PTPRD: variants seen among roughly 807,000 people sequenced by gnomAD.
The protein encoded by PTPRD is receptor-type tyrosine-protein phosphatase delta.
Under a neutral mutation model 214.5 loss-of-function variants are expected in PTPRD, and 34 were observed. That is an observed-to-expected ratio of 0.16 (90% CI 0.12 to 0.21). The LOEUF is 0.21. PTPRD is among the 10% of genes least tolerant of loss of function. PTPRD has a pLI of 1.00. For synonymous variants in PTPRD, 1,128 were observed against 845.7 expected (o/e 1.33, Z -5.79); for missense variants, 2,545 against 2,398.7 (o/e 1.06, Z -1.27).
At chr9:10,470,243 A>G (rs918009675) in intron 2 of PTPRD, among the ~76,000 whole-genome samples, 9 of 152,122 alleles carry the variant, frequency 5.9e-5, no homozygotes, top group African/African-American at 2.2e-4. Context: ...AATATGTACA[A>G]CTATTAGGTA....
chr9:8,488,685 T>C (rs192800708), intron 27 of PTPRD, among the ~76,000 whole-genome samples: 1 of 152,360 alleles, frequency 6.6e-6, no homozygotes, highest in African/African-American at 2.4e-5. Flanking sequence ...AATAGTACTT[T>C]AATGTAGGGA....
chr9:8,529,325 T>C (rs930435173), intron 14 of PTPRD, among the ~76,000 whole-genome samples: 36 of 152,252 alleles, frequency 2.4e-4, no homozygotes, highest in African/African-American at 8.4e-4. Flanking sequence ...GTTTTTCTTA[T>C]AACTCTGTTT....
intron 3 of PTPRD, among the ~76,000 whole-genome samples, chr9:10,125,549 G>C (rs1336543768): frequency 2.7e-5 from 4 of 150,790 alleles, no homozygotes; most frequent in African/African-American, 9.7e-5. Flanking sequence ...CTGCCTCCCA[G>C]GTTCAAGCGA....
rs138988921 is a variant in PTPRD at position 10,343,279 on chromosome 9, C to G, written c.-599-2262G>C. Among the ~76,000 whole-genome samples the G allele has an allele frequency of 8.5e-3, 1,300 of 152,180 alleles. 44 individuals carry two copies. The highest frequency in any genetic ancestry group is 0.066 in the East Asian group (338 of 5,146). On this transcript the variant is annotated intron_variant, in intron 2 of 45. Coordinates refer to ENST00000381196, the MANE Select transcript of PTPRD (RefSeq NM_002839.4). ...TGCTGAGAATGATGGTTTCCAGCTT[C>G]ATCCATGTCCCTGCAAAGGACATGA...
Position 9,610,575 on chromosome 9 carries a change from G to A in PTPRD, c.-286-35794C>T, listed in dbSNP as rs576480501. Among the ~76,000 whole-genome samples, 3 of 152,238 alleles carry A rather than the reference G, an allele frequency of 2.0e-5. No individual in the cohort carries two copies. In the East Asian group the frequency reaches 5.8e-4, roughly 29 times the overall value. ...GTATGCTACCTTGGAATAGATGGGG[G>A]AAAGTGAAATATTATTTTACAAATA... On this transcript the variant is annotated intron_variant, in intron 7 of 45. Transcript: ENST00000381196.
chr9:9,343,261 G>A (rs1230481749), intron 9 of PTPRD, among the ~76,000 whole-genome samples: 1 of 152,068 alleles, frequency 6.6e-6, no homozygotes, highest in Non-Finnish European at 1.5e-5. Flanking sequence ...TGGGATTGCT[G>A]GGTCAAATGG....
chr9:8,812,362 G>C (rs2096826618), intron 11 of PTPRD, among the ~76,000 whole-genome samples: 1 of 152,100 alleles, frequency 6.6e-6, no homozygotes. Flanking sequence ...GTCATTCTTG[G>C]ATAATAACAT....
At chr9:9,259,469 A>G (rs62534657) in intron 9 of PTPRD, among the ~76,000 whole-genome samples, 19,476 of 151,922 alleles carry the variant, frequency 0.13, 1,661 homozygotes, top group Middle Eastern at 0.21. Flanking sequence ...GTGTAAGTGT[A>G]AAGCCTTACA....
intron 2 of PTPRD, among the ~76,000 whole-genome samples, chr9:10,547,411 G>T (rs1000150783): frequency 2.6e-5 from 4 of 151,622 alleles, no homozygotes; most frequent in Admixed American, 2.0e-4. Context: ...GATACACAAA[G>T]ATGTTACCAT....
chr9:8,726,591 ATATATATATATATATATATATATAT>A (rs1565593758), intron 12 of PTPRD, among the ~76,000 whole-genome samples: 275 of 11,636 alleles, frequency 0.024, 101 homozygotes, highest in South Asian at 0.06. Context: ...AAAAAAAAAT[ATATATATATATATATATATATATAT>A]ATATATATAT....
rs569961589 is a variant in PTPRD, at chr9:9,570,005, G to T, written c.-237+4727C>A. Among the ~76,000 whole-genome samples, 4 of 150,422 alleles carry T rather than the reference G, an allele frequency of 2.7e-5. No individual in the cohort carries two copies. The South Asian group carries it at 8.3e-4, about 31-fold the overall frequency. The stretch of plus-strand genomic sequence containing the variant: ...CAGTTGAAAGTGCTCATCAGAACTA[G>T]AACTCCATTTTTCCCATATATTTTT... On this transcript the variant is annotated intron_variant, in intron 8 of 45. Transcript: ENST00000381196.
intron 9 of PTPRD, among the ~76,000 whole-genome samples, chr9:9,283,075 A>G (rs1364820473): frequency 6.6e-6 from 1 of 151,420 alleles, no homozygotes; most frequent in Non-Finnish European, 1.5e-5. Flanking sequence ...GTGATAACCA[A>G]AAAAACTCAT....
At chr9:9,125,616 A>G (rs890481671) in intron 10 of PTPRD, among the ~76,000 whole-genome samples, 1 of 152,202 alleles carries the variant, frequency 6.6e-6, no homozygotes, top group African/African-American at 2.4e-5. Flanking sequence ...CTCAAGAAAT[A>G]CTTCTTGAAT....
At chr9:9,761,925 G>C (rs2098661021) in intron 6 of PTPRD, among the ~76,000 whole-genome samples, 1 of 152,022 alleles carries the variant, frequency 6.6e-6, no homozygotes, top group Non-Finnish European at 1.5e-5. Context: ...TCATTGCTTT[G>C]GGATATTGGT....
chr9:8,542,521 T>G (rs2078735586), intron 14 of PTPRD, among the ~76,000 whole-genome samples: 1 of 152,208 alleles, frequency 6.6e-6, no homozygotes, highest in East Asian at 1.9e-4. Context: ...TTCTGAAATG[T>G]TATGATTGTT....
Position 8,934,423 on chromosome 9 carries a change from A to ATATATATATAAATATATATATATATT in PTPRD, c.-104+84273_-104+84274insAATATATATATATATTTATATATATA, listed in dbSNP as rs1567096846. 2.8e-3 allele frequency among the ~76,000 whole-genome samples: 171 copies of ATATATATATAAATATATATATATATT among 60,028 alleles called. 2 individuals are homozygous for ATATATATATAAATATATATATATATT. Among genetic ancestry groups the ATATATATATAAATATATATATATATT allele is most frequent in the African/African-American group, 6.7e-3 (97 of 14,530 alleles). 39.4% of individuals were successfully genotyped at this position (60,028 alleles called of 152,430 possible). ...TGTGTGTGTGTGTGTGTGTGTGTGT[A>ATATATATATAAATATATATATATATT]TATATATATATAAATATATATATAA... On this transcript the variant is annotated intron_variant, in intron 11 of 45. Coordinates refer to ENST00000381196, the MANE Select transcript of PTPRD (RefSeq NM_002839.4).
At chr9:10,378,532 T>A (rs2097769281) in intron 2 of PTPRD, among the ~76,000 whole-genome samples, 1 of 152,032 alleles carries the variant, frequency 6.6e-6, no homozygotes, top group African/African-American at 2.4e-5. Context: ...TTCTTCTGCA[T>A]GTGAATACCC....
At chr9:8,848,726 A>G (rs1461450787) in intron 11 of PTPRD, among the ~76,000 whole-genome samples, 1 of 152,078 alleles carries the variant, frequency 6.6e-6, no homozygotes, top group Admixed American at 6.5e-5. Flanking sequence ...GGAGGTTAAG[A>G]GTGAGTGAAA....
chr9:9,330,629 C>T (rs889958269), intron 9 of PTPRD, among the ~76,000 whole-genome samples: 2 of 151,856 alleles, frequency 1.3e-5, no homozygotes, highest in Non-Finnish European at 2.9e-5. Flanking sequence ...ATTAATAACA[C>T]ATATTGATTC....
Sources: gnomAD v4.1 joint callset for allele counts (sites outside exome capture counted in the v4.1 genomes callset) on GRCh38, gnomAD v4.1.1 for gene constraint, MANE v1.5 for transcripts, NCBI Gene and HGNC (gene_info 2026-07-23, HGNC 2026-07-21) for gene names.